Variants in HEATR5B observed in about 807,000 individuals in gnomAD.
HEATR5B encodes the protein HEAT repeat-containing protein 5B.
HEATR5B carries 156 observed loss-of-function variants against 224.1 expected under a neutral mutation model. The ratio of observed to expected loss-of-function variants is 0.70; its 90% CI spans 0.61 to 0.80. The LOEUF (loss-of-function observed/expected upper bound fraction) is 0.80, where lower values mean the gene tolerates loss of function less well. HEATR5B is among the 30% of genes least tolerant of loss of function. HEATR5B has a pLI of 0.00. For missense variants in HEATR5B, 2,323 were observed against 2,535.5 expected (o/e 0.92, Z 1.80); for synonymous variants, 1,027 against 893.0 (o/e 1.15, Z -2.68).
At chr2:37,031,425 C>A (rs112569318) in intron 22 of HEATR5B, among the ~76,000 whole-genome samples, 2,615 of 132,288 alleles carry the variant, frequency 0.02, 90 homozygotes, top group African/African-American at 0.065. Context: ...TTCTGTTTTT[C>A]TTTTCTTTCT....
intron 35 of HEATR5B, among the ~76,000 whole-genome samples, chr2:36,983,541 AAAAAC>A: frequency 6.6e-6 from 1 of 152,110 alleles, no homozygotes; most frequent in African/African-American, 2.4e-5. Context: ...CTCTGTCTCA[AAAAAC>A]AAAACAAAAC....
At chr2:37,051,224 C>T (rs937451028) in intron 17 of HEATR5B, among the ~76,000 whole-genome samples, 2 of 151,318 alleles carry the variant, frequency 1.3e-5, no homozygotes, top group Non-Finnish European at 2.9e-5. Context: ...GGCATGATGG[C>T]GCGTGCCTAT....
At chr2:36,994,841 C>T (rs1454032088) in intron 33 of HEATR5B, among the ~76,000 whole-genome samples, 3 of 150,498 alleles carry the variant, frequency 2.0e-5, no homozygotes, top group East Asian at 4.0e-4. Flanking sequence ...AAGCTCCGCC[C>T]CCGGGTTCAC....
chr2:36,984,358 C>G (rs1236308117), intron 35 of HEATR5B, among the ~76,000 whole-genome samples: 1 of 150,398 alleles, frequency 6.6e-6, no homozygotes, highest in Non-Finnish European at 1.5e-5. Flanking sequence ...TAAATGAAAA[C>G]AGTAGACAGC....
intron 2 of HEATR5B, among the ~76,000 whole-genome samples, chr2:37,081,226 GTTTT>G (rs368246838): frequency 6.7e-6 from 1 of 148,578 alleles, no homozygotes; most frequent in Non-Finnish European, 1.5e-5. Flanking sequence ...TCCATGCATT[GTTTT>G]TTTTTTATAC....
At chr2:37,003,138 C>G (rs1174491586) in intron 31 of HEATR5B, among the ~76,000 whole-genome samples, 4 of 151,192 alleles carry the variant, frequency 2.6e-5, no homozygotes, top group Non-Finnish European at 5.9e-5. Flanking sequence ...GTCTGTAAAC[C>G]CAGGTACTCT....
rs1193974000 is a variant in HEATR5B, at chr2:37,068,748, A to C, written c.1110T>G (p.Gly370=). 1.9e-6 allele frequency: 3 copies of C among 1,614,110 alleles called. No individual in the cohort carries two copies. The highest frequency in any genetic ancestry group is 2.2e-5 in the East Asian group (1 of 44,876). Residue 370 remains glycine (G), a synonymous_variant, in exon 8 of 36, where the codon GGT becomes GGG. Coordinates refer to ENST00000233099, the MANE Select transcript of HEATR5B (RefSeq NM_019024.3). ...TGGCAGCTGCAATCTGGGCTTTTTCACCTAGCAAACTGCCCACAGTAGCTC... is the reference window on the plus strand; with the variant it reads ...TGGCAGCTGCAATCTGGGCTTTTTCCCCTAGCAAACTGCCCACAGTAGCTC... The part of the protein sequence containing the change: ...ILRATVGSLL[G]EKAQIAAAKE...
intron 28 of HEATR5B, chr2:37,008,168 A>G (rs188604639): frequency 3.9e-4 from 65 of 168,450 alleles, no homozygotes; most frequent in Admixed American, 8.6e-4. Flanking sequence ...TTCTAAACAG[A>G]AAAAAATGTT....
At chr2:37,047,255 T>C (rs1054779202) in intron 18 of HEATR5B, among the ~76,000 whole-genome samples, 1 of 152,084 alleles carries the variant, frequency 6.6e-6, no homozygotes, top group African/African-American at 2.4e-5. Flanking sequence ...TTCTAACATA[T>C]TATATCCTTG....
intron 29 of HEATR5B, 50 bp downstream of exon 29, chr2:37,007,000 T>A: frequency 1.9e-6 from 3 of 1,563,262 alleles, no homozygotes; most frequent in Non-Finnish European, 2.6e-6. Context: ...ATGAAAGATA[T>A]GAATTTTCAG....
At chr2:36,982,786 T>C (rs1665666439) in intron 35 of HEATR5B, among the ~76,000 whole-genome samples, 1 of 151,746 alleles carries the variant, frequency 6.6e-6, no homozygotes, top group Non-Finnish European at 1.5e-5. Context: ...ATGTTATATC[T>C]ACATCTAAAA....
At chr2:36,998,753 T>C (rs1666890270) in intron 33 of HEATR5B, among the ~76,000 whole-genome samples, 1 of 152,066 alleles carries the variant, frequency 6.6e-6, no homozygotes, top group Non-Finnish European at 1.5e-5. Flanking sequence ...TATTGTTGAG[T>C]CACAGAATGA....
At chr2:37,075,838 T>C (rs759718452) in intron 4 of HEATR5B, 5 of 378,362 alleles carry the variant, frequency 1.3e-5, no homozygotes, top group Non-Finnish European at 2.3e-5. Context: ...TTCTAAAAAA[T>C]TAGGTTTTAA....
intron 2 of HEATR5B, among the ~76,000 whole-genome samples, chr2:37,081,147 G>A (rs545734505): frequency 2.0e-5 from 3 of 152,232 alleles, no homozygotes; most frequent in East Asian, 1.9e-4. Flanking sequence ...TCAGTGGAGT[G>A]GAAGTAAATC....
intron 26 of HEATR5B, among the ~76,000 whole-genome samples, chr2:37,014,749 CA>C: frequency 6.6e-6 from 1 of 151,044 alleles, no homozygotes. Context: ...GAGGCCAAGG[CA>C]GGCGGATCAC....
intron 7 of HEATR5B, among the ~76,000 whole-genome samples, chr2:37,069,553 T>G (rs953663933): frequency 1.3e-5 from 2 of 152,226 alleles, no homozygotes; most frequent in Non-Finnish European, 2.9e-5. Context: ...CATTAACCAG[T>G]ATTTTTAGCT....
chr2:36,995,087 G>GTTTTTTTGTTT (rs1666601952), intron 33 of HEATR5B, among the ~76,000 whole-genome samples: 2 of 104,132 alleles, frequency 1.9e-5, no homozygotes, highest in African/African-American at 4.1e-5. Context: ...GTTATTCCTT[G>GTTTTTTTGTTT]TTTTTTTTTT....
chr2:36,996,644 T>A (rs557077964), intron 33 of HEATR5B, among the ~76,000 whole-genome samples: 1 of 151,980 alleles, frequency 6.6e-6, no homozygotes, highest in Non-Finnish European at 1.5e-5. Flanking sequence ...CAGGATGGAG[T>A]GCAATGGCGT....
At chr2:37,007,943 C>A (rs78334299) in intron 28 of HEATR5B, among the ~76,000 whole-genome samples, 2,404 of 152,274 alleles carry the variant, frequency 0.016, 66 homozygotes, top group African/African-American at 0.055. Flanking sequence ...CTATCACAAC[C>A]AGGGAACTCT....
Sources: gnomAD v4.1 joint callset for allele counts (sites outside exome capture counted in the v4.1 genomes callset) on GRCh38, gnomAD v4.1.1 for gene constraint, MANE v1.5 for transcripts, NCBI Gene and HGNC (gene_info 2026-07-23, HGNC 2026-07-21) for gene names.